The following GRID1 variants were observed in gnomAD, a reference collection of about 807,000 sequenced individuals.
GRID1 encodes glutamate ionotropic receptor delta type subunit 1, also known as glutamate receptor ionotropic, delta-1.
In GRID1, 28 loss-of-function variants were observed where a neutral mutation model predicts 98.0. The observed-to-expected ratio is 0.29, with a 90% CI of 0.21 to 0.39. GRID1 has a LOEUF of 0.39. Ranked by LOEUF, GRID1 falls within the 10% of genes least tolerant of loss-of-function variation. The pLI, the probability that GRID1 is intolerant of heterozygous loss-of-function variation, is 1.00. For missense variants in GRID1, 1,111 were observed against 1,340.5 expected, an observed-to-expected ratio of 0.83 and a Z score of 2.67; for synonymous variants, 553 against 538.5, an observed-to-expected ratio of 1.03 and a Z score of -0.37.
At chr10:86,230,370 G>C (rs1430153158) in intron 2 of GRID1, among the ~76,000 whole-genome samples, 1 of 152,308 alleles carries the variant, frequency 6.6e-6, no homozygotes, top group East Asian at 1.9e-4. Flanking sequence ...TCTCCAGTGG[G>C]GACAACACCA....
At chr10:86,185,544 C>A (rs578260934) in intron 3 of GRID1, among the ~76,000 whole-genome samples, 76 of 152,212 alleles carry the variant, frequency 5.0e-4, no homozygotes, top group African/African-American at 1.7e-3. Context: ...CTGTCTTGCT[C>A]CTGATCTTAA....
intron 8 of GRID1, among the ~76,000 whole-genome samples, chr10:85,815,774 T>C (rs1259708021): frequency 6.6e-6 from 1 of 151,994 alleles, no homozygotes; most frequent in African/African-American, 2.4e-5. Context: ...TATTAAGTAA[T>C]GAAAAGGCAA....
chr10:85,663,683 C>T (rs1169656786), intron 12 of GRID1, among the ~76,000 whole-genome samples: 4 of 152,164 alleles, frequency 2.6e-5, no homozygotes, highest in Non-Finnish European at 5.9e-5. Context: ...AGGTGGAGAC[C>T]ATGCTTTCTC....
At chr10:86,243,511 C>A (rs73349985) in intron 2 of GRID1, among the ~76,000 whole-genome samples, 1 of 152,038 alleles carries the variant, frequency 6.6e-6, no homozygotes, top group African/African-American at 2.4e-5. Flanking sequence ...CTAGACAACC[C>A]CACTTAACAG....
At chr10:85,669,709 G>T (rs944803334) in intron 12 of GRID1, among the ~76,000 whole-genome samples, 1 of 152,168 alleles carries the variant, frequency 6.6e-6, no homozygotes, top group African/African-American at 2.4e-5. Flanking sequence ...CCCATCCCCA[G>T]ACGGATCTTA....
At chr10:85,892,570 T>C (rs1205664281) in intron 5 of GRID1, among the ~76,000 whole-genome samples, 1 of 151,876 alleles carries the variant, frequency 6.6e-6, no homozygotes. Flanking sequence ...AAACTATGTT[T>C]TTCCTAGATT....
chr10:86,135,715 T>C (rs930916532), intron 4 of GRID1, among the ~76,000 whole-genome samples: 8 of 151,832 alleles, frequency 5.3e-5, no homozygotes, highest in African/African-American at 1.7e-4. Context: ...TCACAGAACC[T>C]GCAGGCCCCG....
chr10:85,864,808 A>T (rs1843199585), intron 6 of GRID1, among the ~76,000 whole-genome samples: 1 of 152,208 alleles, frequency 6.6e-6, no homozygotes, highest in African/African-American at 2.4e-5. Flanking sequence ...CACAAAGAAG[A>T]GAAATTTCAA....
intron 3 of GRID1, among the ~76,000 whole-genome samples, chr10:86,153,998 T>C (rs1304051627): frequency 6.6e-6 from 1 of 152,144 alleles, no homozygotes; most frequent in South Asian, 2.1e-4. Flanking sequence ...GGCACAAGCA[T>C]GGACTGGACG....
intron 2 of GRID1, among the ~76,000 whole-genome samples, chr10:86,273,456 A>T (rs1199589602): frequency 5.4e-4 from 81 of 150,564 alleles, no homozygotes; most frequent in African/African-American, 1.8e-3. Context: ...TCAAATGGTA[A>T]TTCTAGTTCT....
chr10:85,676,412 A>C (rs571600622), intron 12 of GRID1, among the ~76,000 whole-genome samples: 1 of 152,302 alleles, frequency 6.6e-6, no homozygotes, highest in African/African-American at 2.4e-5. Flanking sequence ...GGCTGGAGCT[A>C]GTTTCCACCT....
chr10:85,694,265 C>T (rs897762284), intron 12 of GRID1, among the ~76,000 whole-genome samples: 10 of 151,872 alleles, frequency 6.6e-5, no homozygotes, highest in Admixed American at 5.2e-4. Context: ...ACTAAAATGA[C>T]AAATGTAACA....
chr10:86,215,969 C>G (rs1034417987), intron 2 of GRID1, among the ~76,000 whole-genome samples: 6 of 152,242 alleles, frequency 3.9e-5, no homozygotes, highest in Admixed American at 3.9e-4. Flanking sequence ...CCCATGCTCT[C>G]TACATGTAGA....
intron 4 of GRID1, among the ~76,000 whole-genome samples, chr10:86,025,536 C>T (rs1843105718): frequency 6.6e-6 from 1 of 152,196 alleles, no homozygotes. Flanking sequence ...GTACCACGTG[C>T]TTTCCAAATG....
At chr10:86,042,364 G>A (rs574013438) in intron 4 of GRID1, among the ~76,000 whole-genome samples, 1 of 152,330 alleles carries the variant, frequency 6.6e-6, no homozygotes, top group Admixed American at 6.5e-5. Flanking sequence ...GAGGCTCCAT[G>A]AGAGTCAGGG....
intron 8 of GRID1, among the ~76,000 whole-genome samples, chr10:85,837,638 G>GA (rs34037712): frequency 9.7e-4 from 137 of 141,836 alleles, no homozygotes; most frequent in South Asian, 2.6e-3. Context: ...GACAAAAGGA[G>GA]AAAAAAAAAA....
intron 8 of GRID1, among the ~76,000 whole-genome samples, chr10:85,745,489 G>T (rs1052259796): frequency 7.6e-6 from 1 of 130,912 alleles, no homozygotes. Context: ...ACCAAACACC[G>T]CATATTCTCA....
rs138253807 is a variant in GRID1 at position 85,734,960 on chromosome 10, G to T, written c.1234-5346C>A. On this transcript the variant is annotated intron_variant, in intron 8 of 15. Transcript: ENST00000327946. ...TGCATCCCTCCCCCATCCTGAGGGGGTCTGGCGCTCGCCACTCTGAATGCT... is the reference window on the plus strand; with the variant it reads ...TGCATCCCTCCCCCATCCTGAGGGGTTCTGGCGCTCGCCACTCTGAATGCT... Among the ~76,000 whole-genome samples, 261 of 152,300 alleles carry T rather than the reference G, an allele frequency of 1.7e-3. 1 individual carries two copies. Among genetic ancestry groups the T allele is most frequent in the African/African-American group, 6.1e-3 (252 of 41,588 alleles).
intron 3 of GRID1, among the ~76,000 whole-genome samples, chr10:86,161,936 G>A (rs1035474816): frequency 6.6e-6 from 1 of 152,140 alleles, no homozygotes; most frequent in African/African-American, 2.4e-5. Flanking sequence ...AAACAAGTGT[G>A]TTGTATTTTG....
Sources: allele counts gnomAD v4.1 joint callset (sites outside exome capture counted in the v4.1 genomes callset), GRCh38; gene constraint gnomAD v4.1.1; transcripts MANE v1.5; gene names NCBI Gene and HGNC (gene_info 2026-07-23, HGNC 2026-07-21).